RPSA2: variants seen among roughly 807,000 people sequenced by gnomAD.
RPSA2 encodes small ribosomal subunit protein uS2B.
chr19:23,859,133 A>C, the RPSA2 span, among the ~76,000 whole-genome samples: 2 of 152,204 alleles, frequency 1.3e-5, no homozygotes, highest in Non-Finnish European at 2.9e-5. Flanking sequence ...ACCCTGCTTC[A>C]TTATGTTAAA....
the RPSA2 span, among the ~76,000 whole-genome samples, chr19:23,846,636 TG>T: frequency 6.6e-6 from 1 of 152,342 alleles, no homozygotes; most frequent in East Asian, 1.9e-4. Context: ...TCTAGCTTGA[TG>T]TAAAATTTTT....
chr19:23,848,968 T>C, the RPSA2 span, among the ~76,000 whole-genome samples: 3 of 152,210 alleles, frequency 2.0e-5, no homozygotes, highest in Admixed American at 2.0e-4. Flanking sequence ...GAGAATTCAT[T>C]GTAACATTCA....
At chr19:23,861,674 C>G in the RPSA2 span, among the ~76,000 whole-genome samples, 2 of 152,136 alleles carry the variant, frequency 1.3e-5, no homozygotes, top group Non-Finnish European at 2.9e-5. Context: ...AACATGACCT[C>G]TGCAAGCCCC....
chr19:23,803,404 A>C, the RPSA2 span, among the ~76,000 whole-genome samples: 1 of 151,922 alleles, frequency 6.6e-6, no homozygotes, highest in African/African-American at 2.4e-5. Flanking sequence ...AATTAAAAAA[A>C]TTTTTTTTAA....
At chr19:23,855,377 G>A in the RPSA2 span, among the ~76,000 whole-genome samples, 2 of 152,290 alleles carry the variant, frequency 1.3e-5, no homozygotes, top group Non-Finnish European at 2.9e-5. Flanking sequence ...TACCATTTTA[G>A]CATATGGAGA....
At chr19:23,794,530 T>G in the RPSA2 span, among the ~76,000 whole-genome samples, 1 of 152,174 alleles carries the variant, frequency 6.6e-6, no homozygotes. Context: ...TACTTGTTAG[T>G]GAGGTCTTTT....
At chr19:23,764,202 TC>T in the RPSA2 span, among the ~76,000 whole-genome samples, 2 of 152,188 alleles carry the variant, frequency 1.3e-5, no homozygotes, top group Non-Finnish European at 2.9e-5. Flanking sequence ...GGACTGGTTT[TC>T]CTCTGTGACT....
chr19:23,857,201 C>A, the RPSA2 span, among the ~76,000 whole-genome samples: 2 of 152,136 alleles, frequency 1.3e-5, no homozygotes, highest in Non-Finnish European at 2.9e-5. Flanking sequence ...TCATATTGTT[C>A]AAACACACGT....
At chr19:23,838,561 A>C in the RPSA2 span, among the ~76,000 whole-genome samples, 1 of 152,022 alleles carries the variant, frequency 6.6e-6, no homozygotes, top group Non-Finnish European at 1.5e-5. Flanking sequence ...GTTGGTGGTA[A>C]GTTTTAAATT....
the RPSA2 span, among the ~76,000 whole-genome samples, chr19:23,855,654 G>C: frequency 2.2e-4 from 34 of 152,250 alleles, no homozygotes; most frequent in African/African-American, 8.2e-4. Context: ...AGTCAGACTG[G>C]TATGAGAGTG....
the RPSA2 span, among the ~76,000 whole-genome samples, chr19:23,759,299 A>G: frequency 6.6e-6 from 1 of 152,072 alleles, no homozygotes; most frequent in Non-Finnish European, 1.5e-5. Flanking sequence ...ATGGCATTCA[A>G]ATCTTCCTGG....
At chr19:23,856,062 A>G in the RPSA2 span, among the ~76,000 whole-genome samples, 1 of 152,110 alleles carries the variant, frequency 6.6e-6, no homozygotes, top group Non-Finnish European at 1.5e-5. Context: ...CAACATCATC[A>G]GGTGGGGGAG....
At chr19:23,782,802 G>A in the RPSA2 span, among the ~76,000 whole-genome samples, 148,870 of 152,196 alleles carry the variant, frequency 0.98, 72,902 homozygotes, top group Middle Eastern at 1. Flanking sequence ...ATAAAGCTGA[G>A]CCCAGCACCT....
chr19:23,861,918 T>A, the RPSA2 span, among the ~76,000 whole-genome samples: 1 of 152,136 alleles, frequency 6.6e-6, no homozygotes, highest in Non-Finnish European at 1.5e-5. Flanking sequence ...TAGTGTTTGT[T>A]TGGTGAGCGG....
the RPSA2 span, among the ~76,000 whole-genome samples, chr19:23,788,685 A>T: frequency 2.0e-5 from 3 of 152,160 alleles, no homozygotes; most frequent in East Asian, 5.8e-4. Flanking sequence ...CAGCACCTAG[A>T]TGATGTAACT....
chr19:23,828,525 T>C, the RPSA2 span, among the ~76,000 whole-genome samples: 1 of 9,228 alleles, frequency 1.1e-4, no homozygotes, highest in African/African-American at 2.2e-4. Context: ...CAAGAGTGTG[T>C]TGTTTAGTTT....
the RPSA2 span, among the ~76,000 whole-genome samples, chr19:23,855,928 A>G: frequency 6.6e-6 from 1 of 152,114 alleles, no homozygotes; most frequent in African/African-American, 2.4e-5. Context: ...GTTAGCATAG[A>G]TATGGTCCTG....
chr19:23,864,224 A>G, the RPSA2 span, among the ~76,000 whole-genome samples: 1 of 152,234 alleles, frequency 6.6e-6, no homozygotes, highest in Non-Finnish European at 1.5e-5. Flanking sequence ...GACACAACGC[A>G]TGGCCTGCCT....
At chr19:23,761,922 T>TCCTTCCTTCCTTCCTTCCTTCCTTCC in the RPSA2 span, among the ~76,000 whole-genome samples, 437 of 99,000 alleles carry the variant, frequency 4.4e-3, 37 homozygotes, top group East Asian at 0.013. Context: ...CTTTCTTTCT[T>TCCTTCCTTCCTTCCTTCCTTCCTTCC]TTTTTTTTTT....
Sources: gnomAD v4.1 joint callset for allele counts (sites outside exome capture counted in the v4.1 genomes callset) on GRCh38, gnomAD v4.1.1 for gene constraint, MANE v1.5 for transcripts, NCBI Gene and HGNC (gene_info 2026-07-23, HGNC 2026-07-21) for gene names.